The following ITGA2 variants were observed in gnomAD, a reference collection of about 807,000 sequenced individuals.
The protein encoded by ITGA2 is integrin alpha-2.
ITGA2 carries 101 observed loss-of-function variants against 146.3 expected under a neutral mutation model. That is an observed-to-expected ratio of 0.69 (90% confidence interval 0.59 to 0.81). The LOEUF (loss-of-function observed/expected upper bound fraction) is 0.81. ITGA2 is among the 40% of genes least tolerant of loss of function. ITGA2 has a pLI of 0.00. For missense variants in ITGA2, 1,281 were observed against 1,402.7 expected, an observed-to-expected ratio of 0.91 and a Z score of 1.39; for synonymous variants, 477 against 487.1, an observed-to-expected ratio of 0.98 and a Z score of 0.27.
At chr5:53,024,455 A>G (rs986220419) in intron 1 of ITGA2, among the ~76,000 whole-genome samples, 1 of 152,228 alleles carries the variant, frequency 6.6e-6, no homozygotes, top group African/African-American at 2.4e-5. Context: ...TTATTAAAAA[A>G]AAATCCTAGG....
At chr5:53,060,037 A>G in intron 11 of ITGA2, 25 bp downstream of exon 11, 1 of 1,610,872 alleles carries the variant, frequency 6.2e-7, no homozygotes. Context: ...TAATTGGCTC[A>G]GCAAACTTAA....
At chr5:53,003,821 C>A (rs1741698814) in intron 1 of ITGA2, among the ~76,000 whole-genome samples, 1 of 151,730 alleles carries the variant, frequency 6.6e-6, no homozygotes, top group Admixed American at 6.6e-5. Context: ...TTTTCTTTTT[C>A]TTTTTTAGAG....
At chr5:53,065,708 C>G in intron 14 of ITGA2, 133 bp from the exon 15 acceptor site, 6 of 1,179,562 alleles carry the variant, frequency 5.1e-6, no homozygotes, top group Non-Finnish European at 7.3e-6. Flanking sequence ...AAAAATGAAT[C>G]TTTAGAATTT....
At chr5:52,993,445 C>T (rs1158703157) in intron 1 of ITGA2, among the ~76,000 whole-genome samples, 1 of 152,176 alleles carries the variant, frequency 6.6e-6, no homozygotes, top group East Asian at 1.9e-4. Flanking sequence ...AATATCATCA[C>T]TGCCTCCCCA....
chr5:53,090,637 C>T lies in ITGA2; in HGVS notation c.*38C>T. ...ACCTGCAGTGGGAACCGGCAGCATC[C>T]CAGCCAGGGTTTGCTGTTTGCGTGA... On this transcript the variant is annotated 3_prime_UTR_variant, in exon 30 of 30. Transcript: ENST00000296585. 1 of 1,528,384 alleles carries T rather than the reference C, an allele frequency of 6.5e-7. No homozygotes were observed. The highest frequency in any genetic ancestry group is 9.1e-7 in the Non-Finnish European group (1 of 1,101,820). The allele number at this position is 1,528,384 out of a possible 1,614,324, so 94.7% of individuals were successfully genotyped here. A position where few individuals can be genotyped will look rare whatever the true frequency, so the allele number is the denominator to read the frequency against.
intron 17 of ITGA2, among the ~76,000 whole-genome samples, chr5:53,071,614 T>C (rs1745402008): frequency 6.6e-6 from 1 of 151,878 alleles, no homozygotes. Flanking sequence ...AAAAGGCAAA[T>C]TCAAATGTTA....
At position 53,048,490 on chromosome 5, in the gene ITGA2, T is replaced by C. The variant is rs761143557; in HGVS notation, c.502+13T>C. On this transcript the variant is annotated intron_variant, in intron 5 of 29. Transcript: ENST00000296585. ...CCTGCAACTCAGCGTAAGTTATTAA[T>C]GTGCAGATGGTCTGAGCAATGCCTT... is the stretch of plus-strand genomic sequence containing the variant. 1.2e-5 allele frequency: 19 copies of C among 1,612,896 alleles called. No homozygotes were observed. The South Asian group carries it at 1.9e-4, about 16-fold the overall frequency.
At chr5:52,996,319 G>T (rs1741249059) in intron 1 of ITGA2, among the ~76,000 whole-genome samples, 1 of 152,174 alleles carries the variant, frequency 6.6e-6, no homozygotes, top group South Asian at 2.1e-4. Flanking sequence ...TTGCACAAGA[G>T]AAACTGAGGG....
At chr5:53,044,355 C>T (rs1313630768) in intron 3 of ITGA2, among the ~76,000 whole-genome samples, 1 of 141,610 alleles carries the variant, frequency 7.1e-6, no homozygotes, top group Admixed American at 7.2e-5. Context: ...GGGAAGGAAT[C>T]CAATTAAGAA....
At chr5:53,044,013 G>A (rs3212670) in intron 3 of ITGA2, among the ~76,000 whole-genome samples, 7,723 of 151,920 alleles carry the variant, frequency 0.051, 285 homozygotes, top group Middle Eastern at 0.11. Context: ...GGTGTCTCAC[G>A]CCTGTAATCC....
chr5:53,024,506 C>A (rs1288183971), intron 1 of ITGA2, among the ~76,000 whole-genome samples: 1 of 152,082 alleles, frequency 6.6e-6, no homozygotes, highest in Admixed American at 6.6e-5. Flanking sequence ...CAAGGTTTGA[C>A]TTCTCAAGGA....
At chr5:53,020,207 T>C (rs1192318140) in intron 1 of ITGA2, among the ~76,000 whole-genome samples, 1 of 152,236 alleles carries the variant, frequency 6.6e-6, no homozygotes, top group East Asian at 1.9e-4. Flanking sequence ...TAACTGTGTG[T>C]ATAAATTCAT....
At chr5:53,026,629 G>A (rs1742960924) in intron 1 of ITGA2, 119 bp from the exon 2 acceptor site, 3 of 903,336 alleles carry the variant, frequency 3.3e-6, no homozygotes, top group African/African-American at 1.7e-5. Flanking sequence ...CTGGGTAAAC[G>A]TTGATAAGTA....
chr5:53,074,421 T>C lies in ITGA2; in HGVS notation c.2608T>C (p.Ser870Pro), dbSNP rs148313613. 2.1e-5 allele frequency: 34 copies of C among 1,612,342 alleles called. No individual in the cohort carries two copies. Among genetic ancestry groups the C allele is most frequent in the Non-Finnish European group, 1.4e-5 (17 of 1,178,990 alleles). ...GTEVTCQVAASQKSVACDVGY... is the reference protein window; with the variant it reads ...GTEVTCQVAAPQKSVACDVGY... ...AGAAGTAACATGCCAGGTGGCTGCA[T>C]CTCAGAAGTCTGTTGCCTGCGATGT... is the stretch of plus-strand genomic sequence containing the variant. The change falls in exon 21 of 30, where the codon TCT becomes CCT. Residue 870 changes from serine to proline, a missense_variant. This residue lies in a region of ITGA2 where 475 missense variants were observed against 530.5 expected (regional missense o/e 0.90). Coordinates refer to ENST00000296585, the MANE Select transcript of ITGA2 (RefSeq NM_002203.4).
chr5:53,036,307 A>G (rs1418540576), intron 2 of ITGA2, among the ~76,000 whole-genome samples: 1 of 152,132 alleles, frequency 6.6e-6, no homozygotes, highest in East Asian at 1.9e-4. Flanking sequence ...ATGTCAGATC[A>G]CATCATGCTG....
At chr5:53,067,521 T>G (rs1443688582) in intron 16 of ITGA2, among the ~76,000 whole-genome samples, 1 of 151,864 alleles carries the variant, frequency 6.6e-6, no homozygotes, top group African/African-American at 2.4e-5. Flanking sequence ...CTTCCATCCT[T>G]TGAGTTTCTC....
chr5:53,036,043 G>GTATTCATT (rs1743476510), intron 2 of ITGA2, among the ~76,000 whole-genome samples: 1 of 109,522 alleles, frequency 9.1e-6, no homozygotes, highest in Non-Finnish European at 2.1e-5. Context: ...TCTTTGACTC[G>GTATTCATT]TATTCATTCA....
chr5:53,038,998 C>A (rs1251372242), intron 2 of ITGA2, among the ~76,000 whole-genome samples: 1 of 152,110 alleles, frequency 6.6e-6, no homozygotes, highest in Non-Finnish European at 1.5e-5. Flanking sequence ...GAGGCTGAGG[C>A]AGGAGAATTA....
intron 1 of ITGA2, among the ~76,000 whole-genome samples, chr5:53,011,032 C>A (rs571451276): frequency 4.6e-5 from 7 of 152,226 alleles, no homozygotes; most frequent in Admixed American, 2.6e-4. Context: ...ATAGAAGAAA[C>A]AAGAAATGGA....
Sources: gnomAD v4.1 joint callset for allele counts (sites outside exome capture counted in the v4.1 genomes callset) on GRCh38, gnomAD v4.1.1 for gene constraint, gnomAD v4.1.1 regional missense constraint, MANE v1.5 for transcripts, NCBI Gene and HGNC (gene_info 2026-07-23, HGNC 2026-07-21) for gene names.